NELL2: variants seen among roughly 807,000 people sequenced by gnomAD.
NELL2 encodes neural EGFL like 2, also known as protein kinase C-binding protein NELL2.
In NELL2, 41 loss-of-function variants were observed where a neutral mutation model predicts 109.6. The observed-to-expected ratio is 0.37, with a 90% CI of 0.29 to 0.49. The LOEUF (loss-of-function observed/expected upper bound fraction) is 0.49, where lower values mean the gene tolerates loss of function less well. Among genes scored for constraint, NELL2 ranks in the 20% least tolerant of loss-of-function variants. The probability of loss-of-function intolerance (pLI) is 0.98; values close to 1 mark genes in which losing one functional copy is unlikely to be tolerated. For synonymous variants in NELL2, 355 were observed against 344.7 expected (o/e 1.03, Z -0.33); for missense variants, 900 against 1,008.3 (o/e 0.89, Z 1.45).
intron 9 of NELL2, among the ~76,000 whole-genome samples, chr12:44,719,975 G>T (rs1457162186): frequency 6.6e-6 from 1 of 152,118 alleles, no homozygotes; most frequent in African/African-American, 2.4e-5. Flanking sequence ...TTTTAAAAGT[G>T]TTTTAATATT....
chr12:44,589,148 C>A (rs142093790), intron 15 of NELL2, among the ~76,000 whole-genome samples: 1 of 152,228 alleles, frequency 6.6e-6, no homozygotes, highest in East Asian at 1.9e-4. Flanking sequence ...ACTCCAGCAA[C>A]CTGACTCCAA....
At chr12:44,550,822 C>T (rs1943019224) in intron 15 of NELL2, among the ~76,000 whole-genome samples, 1 of 152,052 alleles carries the variant, frequency 6.6e-6, no homozygotes, top group Non-Finnish European at 1.5e-5. Context: ...CAGCCAAACT[C>T]ATAGCAGCAA....
intron 2 of NELL2, among the ~76,000 whole-genome samples, chr12:44,864,667 G>A (rs1056397562): frequency 2.6e-5 from 4 of 152,032 alleles, no homozygotes; most frequent in Admixed American, 6.6e-5. Context: ...TCATCCAGAC[G>A]GAAAATCAAT....
intron 13 of NELL2, among the ~76,000 whole-genome samples, chr12:44,633,380 G>T (rs1946524293): frequency 6.6e-6 from 1 of 152,072 alleles, no homozygotes; most frequent in African/African-American, 2.4e-5. Context: ...ATGGTAGCTA[G>T]AGTGGGGTCC....
chr12:44,847,044 T>C (rs938736003), intron 2 of NELL2, among the ~76,000 whole-genome samples: 3 of 152,216 alleles, frequency 2.0e-5, no homozygotes, highest in Non-Finnish European at 4.4e-5. Context: ...TTTTCTCCCA[T>C]ACTATGCAAT....
At position 44,665,573 on chromosome 12, in the gene NELL2, C is replaced by A; in HGVS notation, c.1355G>T (p.Arg452Leu). 1 of 1,613,288 alleles carries A rather than the reference C, an allele frequency of 6.2e-7. No homozygotes were observed. Among genetic ancestry groups the A allele is most frequent in the Non-Finnish European group, 8.5e-7 (1 of 1,179,392 alleles). Residue 452 changes from arginine (R) to leucine (L), a missense_variant, in exon 13 of 20, where the codon CGT becomes CTT. Physicochemically the swap from Arg to Leu is moderately radical, Grantham distance 102. Transcript: ENST00000429094. ...GGTGTTGACACACATTGTATTTTCA[C>A]GACAGTAATGGCGCCCTTCAGCACA... is the stretch of plus-strand genomic sequence containing the variant. ...DECAEGRHYC[R>L]ENTMCVNTPG...
At chr12:44,712,762 C>A (rs1938273484) in intron 10 of NELL2, among the ~76,000 whole-genome samples, 1 of 151,730 alleles carries the variant, frequency 6.6e-6, no homozygotes, top group Admixed American at 6.6e-5. Context: ...GCAAAGTATG[C>A]AAGAGAGTTT....
intron 2 of NELL2, among the ~76,000 whole-genome samples, chr12:44,852,993 T>G (rs531593310): frequency 5.5e-4 from 84 of 152,266 alleles, no homozygotes; most frequent in African/African-American, 1.9e-3. Flanking sequence ...CTTAGTGTCT[T>G]CAAGGTGAGT....
At chr12:44,540,502 G>A (rs1055758832) in intron 15 of NELL2, among the ~76,000 whole-genome samples, 6 of 152,056 alleles carry the variant, frequency 3.9e-5, no homozygotes, top group Non-Finnish European at 5.9e-5. Context: ...GAGACATGGA[G>A]CTGGAAGTAG....
chr12:44,689,321 A>G (rs921120827), intron 12 of NELL2, among the ~76,000 whole-genome samples: 3 of 152,238 alleles, frequency 2.0e-5, no homozygotes, highest in Non-Finnish European at 4.4e-5. Context: ...TTTATATAAT[A>G]CAAAGCATCT....
intron 14 of NELL2, 50 bp downstream of exon 14, chr12:44,610,798 T>A: frequency 2.5e-6 from 4 of 1,609,932 alleles, no homozygotes; most frequent in Non-Finnish European, 3.4e-6. Context: ...AAGGTAGAGA[T>A]GGATGGCATT....
chr12:44,615,226 A>C (rs1405361392), intron 13 of NELL2, among the ~76,000 whole-genome samples: 1 of 152,042 alleles, frequency 6.6e-6, no homozygotes, highest in Non-Finnish European at 1.5e-5. Flanking sequence ...AGAATTTGAC[A>C]TGGATTTTTT....
At chr12:44,560,172 A>G (rs1943414505) in intron 15 of NELL2, among the ~76,000 whole-genome samples, 1 of 152,242 alleles carries the variant, frequency 6.6e-6, no homozygotes, top group Non-Finnish European at 1.5e-5. Flanking sequence ...GGACACAGCT[A>G]AAGCATTGTT....
At chr12:44,534,343 G>C (rs1208631829) in intron 15 of NELL2, among the ~76,000 whole-genome samples, 3 of 152,098 alleles carry the variant, frequency 2.0e-5, no homozygotes, top group African/African-American at 7.2e-5. Flanking sequence ...TTATATTGCT[G>C]TAATATTTCA....
At chr12:44,675,913 G>C (rs1324991378) in intron 12 of NELL2, among the ~76,000 whole-genome samples, 2 of 152,094 alleles carry the variant, frequency 1.3e-5, no homozygotes, top group Admixed American at 1.3e-4. Flanking sequence ...ACGAGTCTCA[G>C]AGGCAGTGAG....
intron 2 of NELL2, 33 bp from the exon 3 acceptor site, chr12:44,816,169 TAGA>T (rs778134213): frequency 1.3e-6 from 2 of 1,523,762 alleles, no homozygotes; most frequent in African/African-American, 2.8e-5. Context: ...CTAAGAATAG[TAGA>T]ATTTGATTTT....
chr12:44,718,064 AAG>A (rs1938582183), intron 9 of NELL2, among the ~76,000 whole-genome samples: 1 of 152,210 alleles, frequency 6.6e-6, no homozygotes, highest in South Asian at 2.1e-4. Context: ...ACAGAAACAA[AAG>A]ATTTGAAAGA....
At chr12:44,705,965 C>G (rs1937855580) in intron 11 of NELL2, among the ~76,000 whole-genome samples, 1 of 152,112 alleles carries the variant, frequency 6.6e-6, no homozygotes, top group Non-Finnish European at 1.5e-5. Flanking sequence ...CCAATATTAT[C>G]TATGCCATAT....
At chr12:44,850,430 A>G (rs1048329926) in intron 2 of NELL2, among the ~76,000 whole-genome samples, 1 of 152,052 alleles carries the variant, frequency 6.6e-6, no homozygotes, top group Non-Finnish European at 1.5e-5. Context: ...GAATCAGGAG[A>G]GCCATTTAAA....
Sources: gnomAD v4.1 joint callset for allele counts (sites outside exome capture counted in the v4.1 genomes callset) on GRCh38, gnomAD v4.1.1 for gene constraint, MANE v1.5 for transcripts, NCBI Gene and HGNC (gene_info 2026-07-23, HGNC 2026-07-21) for gene names.